The following CHCHD3 variants were observed in gnomAD, a reference collection of about 807,000 sequenced individuals.
CHCHD3 encodes the protein MICOS complex subunit MIC19.
In CHCHD3, 20 loss-of-function variants were observed where a neutral mutation model predicts 38.2. That is an observed-to-expected ratio of 0.52 (90% confidence interval 0.37 to 0.76). The LOEUF is 0.76. CHCHD3 is among the 30% of genes least tolerant of loss of function. CHCHD3 has a pLI of 0.00. For missense variants in CHCHD3, 245 were observed against 279.2 expected (o/e 0.88, Z 0.87); for synonymous variants, 82 against 100.0 (o/e 0.82, Z 1.07).
At chr7:132,958,379 T>C (rs1190108537) in intron 4 of CHCHD3, among the ~76,000 whole-genome samples, 2 of 151,248 alleles carry the variant, frequency 1.3e-5, no homozygotes, top group African/African-American at 4.9e-5. Context: ...TTTTCAAGTA[T>C]AAGAAAAAAA....
intron 5 of CHCHD3, among the ~76,000 whole-genome samples, chr7:132,856,843 T>C (rs984215686): frequency 1.2e-4 from 18 of 152,218 alleles, no homozygotes; most frequent in Middle Eastern, 3.2e-3. Flanking sequence ...TCTGCATTCA[T>C]TGCATTGGCA....
chr7:132,989,853 C>T (rs778175801), intron 3 of CHCHD3, among the ~76,000 whole-genome samples: 2 of 152,074 alleles, frequency 1.3e-5, no homozygotes, highest in African/African-American at 4.8e-5. Flanking sequence ...CATCTTAAAC[C>T]GAGATCATCA....
chr7:133,014,636 T>C (rs1584643927), intron 3 of CHCHD3, among the ~76,000 whole-genome samples: 1 of 149,588 alleles, frequency 6.7e-6, no homozygotes, highest in African/African-American at 2.5e-5. Context: ...GCAACACAAA[T>C]ATATAAAATA....
At chr7:133,034,787 T>G (rs1562944223) in intron 2 of CHCHD3, 13 of 1,613,176 alleles carry the variant, frequency 8.1e-6, no homozygotes, top group Non-Finnish European at 1.1e-5. Context: ...GCTCCTGGCC[T>G]CGGAAGACCC....
intron 3 of CHCHD3, among the ~76,000 whole-genome samples, chr7:133,015,968 C>T (rs1383516791): frequency 3.4e-5 from 5 of 146,476 alleles, no homozygotes; most frequent in African/African-American, 1.0e-4. Flanking sequence ...GACTGTCACA[C>T]ACTTTTAAAC....
rs981714602 is a variant in CHCHD3 at position 132,931,088 on chromosome 7, T to C, written c.369+44081A>G. 4.6e-5 allele frequency among the ~76,000 whole-genome samples: 7 copies of C among 152,184 alleles called. No individual in the cohort carries two copies. The South Asian group carries it at 1.0e-3, about 23-fold the overall frequency. On this transcript the variant is annotated intron_variant, in intron 4 of 7. Coordinates refer to ENST00000262570, the MANE Select transcript of CHCHD3 (RefSeq NM_017812.4). ...CACCACATAGAGGGCAGCACACTCT[T>C]GTGGAAAAACTCCAGAAGTGGAGTA...
chr7:133,002,628 G>T (rs531298752), intron 3 of CHCHD3, among the ~76,000 whole-genome samples: 2 of 151,832 alleles, frequency 1.3e-5, no homozygotes, highest in African/African-American at 2.4e-5. Context: ...AAGACAATTT[G>T]AGGCTACAAC....
chr7:132,879,716 T>TA (rs56259114), intron 5 of CHCHD3, among the ~76,000 whole-genome samples: 1,776 of 38,488 alleles, frequency 0.046, 186 homozygotes, highest in African/African-American at 0.12. Context: ...TTGTCAAAAG[T>TA]AAAAAAAAAA....
intron 4 of CHCHD3, among the ~76,000 whole-genome samples, chr7:132,947,055 CAGATACTAGAA>C (rs1005836113): frequency 4.6e-5 from 7 of 151,822 alleles, no homozygotes; most frequent in South Asian, 2.1e-4. Flanking sequence ...ATTTACAAGA[CAGATACTAGAA>C]AATCTAATGA....
At chr7:132,886,694 T>C (rs1190494378) in intron 4 of CHCHD3, among the ~76,000 whole-genome samples, 1 of 72,748 alleles carries the variant, frequency 1.4e-5, no homozygotes, top group Admixed American at 1.9e-4. Context: ...ACACACACTA[T>C]ATATAGATAT....
At chr7:133,049,819 T>C (rs1186383586) in intron 2 of CHCHD3, among the ~76,000 whole-genome samples, 3 of 152,172 alleles carry the variant, frequency 2.0e-5, no homozygotes, top group Non-Finnish European at 4.4e-5. Context: ...CCATTTAGAA[T>C]AAAGAAAATA....
intron 2 of CHCHD3, among the ~76,000 whole-genome samples, chr7:133,066,917 T>G (rs1331237008): frequency 1.3e-5 from 2 of 152,230 alleles, no homozygotes; most frequent in Non-Finnish European, 2.9e-5. Context: ...TCATTCCAAC[T>G]AGTTTCTATC....
chr7:132,864,790 A>G (rs1227364510), intron 5 of CHCHD3, among the ~76,000 whole-genome samples: 2 of 152,216 alleles, frequency 1.3e-5, no homozygotes, highest in African/African-American at 4.8e-5. Context: ...ATAAATGGCA[A>G]TATGATGAAC....
intron 1 of CHCHD3, 65 bp from the exon 2 acceptor site, chr7:133,070,294 C>T: frequency 2.2e-6 from 3 of 1,341,016 alleles, no homozygotes; most frequent in Middle Eastern, 1.8e-4. Context: ...AGTGCAATAA[C>T]ATCCAAGTAA....
intron 4 of CHCHD3, among the ~76,000 whole-genome samples, chr7:132,953,870 C>T (rs1038603699): frequency 3.9e-5 from 6 of 152,058 alleles, no homozygotes; most frequent in Admixed American, 1.3e-4. Context: ...GTGTTGTCTC[C>T]GTATAATTAA....
At chr7:133,069,557 A>G (rs999991561) in intron 2 of CHCHD3, among the ~76,000 whole-genome samples, 1 of 152,224 alleles carries the variant, frequency 6.6e-6, no homozygotes, top group African/African-American at 2.4e-5. Flanking sequence ...AAAATACTGG[A>G]TAAACAGATG....
At position 133,018,188 on chromosome 7, in the gene CHCHD3, A is replaced by T. The variant is rs569978377; in HGVS notation, c.251+6358T>A. Among the ~76,000 whole-genome samples the T allele has an allele frequency of 2.0e-5, 3 of 152,360 alleles. No individual in the cohort carries two copies. In the East Asian group the frequency reaches 5.8e-4, roughly 29 times the overall value. ...AAGGATCTCTTAAATGTTGGAGTAT[A>T]TAAAGGAATATTTTGGAAATAATGC... On this transcript the variant is annotated intron_variant, in intron 3 of 7. Coordinates refer to ENST00000262570, the MANE Select transcript of CHCHD3 (RefSeq NM_017812.4).
intron 1 of CHCHD3, among the ~76,000 whole-genome samples, chr7:133,081,630 T>G (rs1213134505): frequency 1.3e-5 from 2 of 152,110 alleles, no homozygotes; most frequent in Admixed American, 1.3e-4. Context: ...CAACCTGGCA[T>G]TCCCCGCCCG....
chr7:132,792,883 C>A (rs997136755), intron 7 of CHCHD3, among the ~76,000 whole-genome samples: 9 of 152,180 alleles, frequency 5.9e-5, no homozygotes, highest in Non-Finnish European at 1.3e-4. Context: ...CTGTCAATAG[C>A]AGCAGGGCTG....
Sources: allele counts gnomAD v4.1 joint callset (sites outside exome capture counted in the v4.1 genomes callset), GRCh38; gene constraint gnomAD v4.1.1; transcripts MANE v1.5; gene names NCBI Gene and HGNC (gene_info 2026-07-23, HGNC 2026-07-21).